Variants in FRS2 observed in about 807,000 individuals in gnomAD.
FRS2 encodes the protein fibroblast growth factor receptor substrate 2, also known as FGFR signalling adaptor.
In FRS2, 8 loss-of-function variants were observed where a neutral mutation model predicts 43.9. The ratio of observed to expected loss-of-function variants is 0.18; its 90% CI spans 0.11 to 0.33. The LOEUF (loss-of-function observed/expected upper bound fraction) is 0.33, where lower values mean the gene tolerates loss of function less well. Ranked by LOEUF, FRS2 falls within the 10% of genes least tolerant of loss-of-function variation. The pLI is 1.00. For synonymous variants in FRS2, 219 were observed against 220.3 expected (o/e 0.99, Z 0.05); for missense variants, 534 against 627.6 (o/e 0.85, Z 1.59).
At position 69,471,133 on chromosome 12, in the gene FRS2, C is replaced by A. The variant is rs897568341; in HGVS notation, c.-261+603C>A. ...GATACGTAGGTCGCTGTGGCACCAG[C>A]ATGCTCTGTATCATCTTTACTCACT... is the stretch of plus-strand genomic sequence containing the variant. On this transcript the variant is annotated intron_variant, in intron 1 of 8. Coordinates refer to ENST00000549921, the MANE Select transcript of FRS2 (RefSeq NM_001278356.2). Among the ~76,000 whole-genome samples the A allele has an allele frequency of 2.6e-5, 4 of 152,230 alleles. No homozygotes were observed. The East Asian group carries it at 7.7e-4, about 29-fold the overall frequency.
At chr12:69,541,162 C>G (rs1475647047) in intron 3 of FRS2, among the ~76,000 whole-genome samples, 4 of 151,906 alleles carry the variant, frequency 2.6e-5, no homozygotes, top group Non-Finnish European at 4.4e-5. Flanking sequence ...AGATCGCATC[C>G]CACTCTTGAA....
rs181084092 is a variant in FRS2, at chr12:69,561,543, C to T, written c.-121-637C>T. Among the ~76,000 whole-genome samples the T allele has an allele frequency of 7.0e-4, 106 of 152,200 alleles. 1 individual carries two copies. Among genetic ancestry groups the T allele is most frequent in the Admixed American group, 6.7e-3 (103 of 15,284 alleles). The stretch of plus-strand genomic sequence containing the variant: ...TGCTGTGAAGGGTAAATAAATTGAC[C>T]AGAAATTTTTCAAAAATACATTGAA... On this transcript the variant is annotated intron_variant, in intron 3 of 8. Transcript: ENST00000549921.
At chr12:69,519,800 A>G (rs148372405) in intron 1 of FRS2, among the ~76,000 whole-genome samples, 1 of 152,210 alleles carries the variant, frequency 6.6e-6, no homozygotes, top group Non-Finnish European at 1.5e-5. Flanking sequence ...TTCATTATCC[A>G]GTCTACCATT....
chr12:69,514,832 A>C (rs1188718643), intron 1 of FRS2, among the ~76,000 whole-genome samples: 1 of 8,480 alleles, frequency 1.2e-4, no homozygotes, highest in South Asian at 0.017. Flanking sequence ...ACTGTGTCTC[A>C]AAAAAAAAAA....
intron 3 of FRS2, among the ~76,000 whole-genome samples, chr12:69,557,149 C>A (rs1879426809): frequency 6.6e-6 from 1 of 152,114 alleles, no homozygotes; most frequent in Admixed American, 6.5e-5. Flanking sequence ...AGAGTTCTGT[C>A]CCTGCTAAGG....
At chr12:69,499,096 T>C (rs1873194135) in intron 1 of FRS2, among the ~76,000 whole-genome samples, 1 of 152,190 alleles carries the variant, frequency 6.6e-6, no homozygotes, top group African/African-American at 2.4e-5. Flanking sequence ...TTGGTAGAAT[T>C]GGGGCTAGAT....
chr12:69,492,628 G>A (rs1382364600), intron 1 of FRS2, among the ~76,000 whole-genome samples: 1 of 152,140 alleles, frequency 6.6e-6, no homozygotes, highest in Non-Finnish European at 1.5e-5. Context: ...GTCACTTTAA[G>A]GATTGTTTTG....
intron 3 of FRS2, among the ~76,000 whole-genome samples, chr12:69,556,013 G>T (rs559716634): frequency 1.7e-4 from 26 of 151,296 alleles, no homozygotes; most frequent in African/African-American, 4.1e-4. Flanking sequence ...TGTGGCGGGG[G>T]GGGGGGCGGT....
chr12:69,487,743 C>A (rs957351166), intron 1 of FRS2, among the ~76,000 whole-genome samples: 3 of 152,170 alleles, frequency 2.0e-5, no homozygotes, highest in African/African-American at 7.2e-5. Context: ...GCAAAGTAAA[C>A]TGAAAACCTT....
rs1275384552 is a variant in FRS2 at position 69,577,872 on chromosome 12, A to G, written c.*2917A>G. 1.3e-5 allele frequency: 2 copies of G among 152,612 alleles called. No homozygotes were observed. Among genetic ancestry groups the G allele is most frequent in the Non-Finnish European group, 2.9e-5 (2 of 68,012 alleles). 9.5% of individuals were successfully genotyped at this position (152,612 alleles called of 1,614,324 possible). On this transcript the variant is annotated 3_prime_UTR_variant, in exon 9 of 9. Transcript: ENST00000549921. ...CTTCTCAGTATATCCAGAATACATCATATCTGGGACTTAGGAAAATTTGCC... is the reference window on the plus strand; with the variant it reads ...CTTCTCAGTATATCCAGAATACATCGTATCTGGGACTTAGGAAAATTTGCC...
chr12:69,545,755 C>CAAAAAAAAAAAAAAA (rs60460901), intron 3 of FRS2, among the ~76,000 whole-genome samples: 20 of 80,412 alleles, frequency 2.5e-4, no homozygotes, highest in African/African-American at 5.6e-4. Context: ...GACCCTGTCT[C>CAAAAAAAAAAAAAAA]AAAAAAAAAA....
At position 69,506,873 on chromosome 12, in the gene FRS2, C is replaced by A. The variant is rs190553074; in HGVS notation, c.-260-23992C>A. 7.1e-4 allele frequency among the ~76,000 whole-genome samples: 108 copies of A among 152,242 alleles called. 1 individual carries two copies. The highest frequency in any genetic ancestry group is 1.3e-3 in the Non-Finnish European group (88 of 68,018). On this transcript the variant is annotated intron_variant, in intron 1 of 8. Transcript: ENST00000549921. ...GTGGTTAGGTCATGAGGGCTCTGCC[C>A]TCATGAATAGATTAATACATTCATG... is the stretch of plus-strand genomic sequence containing the variant.
chr12:69,491,831 T>C (rs1872524229), intron 1 of FRS2, among the ~76,000 whole-genome samples: 1 of 152,222 alleles, frequency 6.6e-6, no homozygotes, highest in African/African-American at 2.4e-5. Flanking sequence ...AATGATTTAA[T>C]GAATATTGTA....
chr12:69,508,024 CAAAAAAAAAAAAAAAA>C (rs11365179), intron 1 of FRS2, among the ~76,000 whole-genome samples: 1 of 47,582 alleles, frequency 2.1e-5, no homozygotes, highest in Non-Finnish European at 3.9e-5. Flanking sequence ...AACCCCGTCT[CAAAAAAAAAAAAAAAA>C]AAAAAAAAAA....
chr12:69,569,639 AC>A (rs1289346081), intron 5 of FRS2, among the ~76,000 whole-genome samples: 1 of 152,214 alleles, frequency 6.6e-6, no homozygotes, highest in Admixed American at 6.5e-5. Context: ...TAAGTCTGTC[AC>A]TTTATAAGCT....
chr12:69,499,313 T>C (rs1421455897), intron 1 of FRS2, among the ~76,000 whole-genome samples: 1 of 152,180 alleles, frequency 6.6e-6, no homozygotes, highest in East Asian at 1.9e-4. Flanking sequence ...TGAACTAGGA[T>C]GCTTGAATAG....
intron 4 of FRS2, among the ~76,000 whole-genome samples, chr12:69,565,525 T>G (rs1880218015): frequency 1.3e-5 from 2 of 152,244 alleles, no homozygotes; most frequent in Non-Finnish European, 2.9e-5. Context: ...ACACACACAT[T>G]CTACAGCAGT....
chr12:69,514,420 T>C (rs1171192170), intron 1 of FRS2, among the ~76,000 whole-genome samples: 2 of 152,194 alleles, frequency 1.3e-5, no homozygotes, highest in Admixed American at 1.3e-4. Context: ...AATGAGCTCC[T>C]TCTGCTCTCT....
At chr12:69,535,042 G>A (rs1877143856) in intron 3 of FRS2, among the ~76,000 whole-genome samples, 1 of 152,132 alleles carries the variant, frequency 6.6e-6, no homozygotes, top group Admixed American at 6.5e-5. Context: ...CTTTGGCACT[G>A]TAATTTCAGA....
Sources: gnomAD v4.1 joint callset for allele counts (sites outside exome capture counted in the v4.1 genomes callset) on GRCh38, gnomAD v4.1.1 for gene constraint, MANE v1.5 for transcripts, NCBI Gene and HGNC (gene_info 2026-07-23, HGNC 2026-07-21) for gene names.